The following PLEKHG4B variants were observed in gnomAD, a reference collection of about 807,000 sequenced individuals.
PLEKHG4B encodes pleckstrin homology and RhoGEF domain containing G4B.
In PLEKHG4B, 111 loss-of-function variants were observed where a neutral mutation model predicts 121.3. That is an observed-to-expected ratio of 0.92 (90% CI 0.78 to 1.07). PLEKHG4B has a LOEUF of 1.07. PLEKHG4B is among the 50% of genes least tolerant of loss of function. The pLI, the probability that PLEKHG4B is intolerant of heterozygous loss-of-function variation, is 0.00. For synonymous variants in PLEKHG4B, 738 were observed against 725.0 expected (o/e 1.02, Z -0.29); for missense variants, 1,831 against 1,757.8 (o/e 1.04, Z -0.74).
intron 2 of PLEKHG4B, among the ~76,000 whole-genome samples, chr5:138,746 A>G (rs1241502661): frequency 6.6e-6 from 1 of 152,166 alleles, no homozygotes; most frequent in Non-Finnish European, 1.5e-5. Context: ...AGCAACTGAA[A>G]CCCAGGCGGG....
At chr5:119,202 G>A (rs192284991) in intron 2 of PLEKHG4B, among the ~76,000 whole-genome samples, 33 of 152,146 alleles carry the variant, frequency 2.2e-4, no homozygotes, top group African/African-American at 3.1e-4. Flanking sequence ...ACCATTGTCC[G>A]TAAAGTGTCA....
rs1265357630 is a variant in PLEKHG4B, at chr5:188,469, T to G, written c.*6146T>G. On this transcript the variant is annotated 3_prime_UTR_variant, in exon 20 of 20. Transcript: ENST00000637938. ...CCGAACTGACCACCTGGGGCGTAGGTCCAAGATTTAATTACAAAACGATAG... is the reference window on the plus strand; with the variant it reads ...CCGAACTGACCACCTGGGGCGTAGGGCCAAGATTTAATTACAAAACGATAG... 1 of 152,206 alleles carries G rather than the reference T, an allele frequency of 6.6e-6. No homozygotes were observed. Among genetic ancestry groups the G allele is most frequent in the Non-Finnish European group, 1.5e-5 (1 of 68,060 alleles). 9.4% of individuals were successfully genotyped at this position (152,206 alleles called of 1,614,324 possible).
rs1298399997 is a variant in PLEKHG4B, at chr5:140,693, G to A, written c.1454G>A (p.Gly485Asp). The A allele has an allele frequency of 6.3e-7, 1 of 1,584,676 alleles. No individual in the cohort carries two copies. Among genetic ancestry groups the A allele is most frequent in the East Asian group, 2.2e-5 (1 of 44,496 alleles). The change falls in exon 3 of 20, where the codon GGT becomes GAT. Residue 485 changes from glycine (G) to aspartate (D), a missense_variant. Gly to Asp is a moderately conservative substitution (Grantham distance 94). Coordinates refer to ENST00000637938, the MANE Select transcript of PLEKHG4B (RefSeq NM_052909.5). ...VGTPNCVPVE[G>D]PGCTKEEDVL... ...ACCCCAAACTGTGTCCCAGTAGAGG[G>A]TCCCGGCTGCACCAAAGAGGAAGGT... is the stretch of plus-strand genomic sequence containing the variant.
intron 6 of PLEKHG4B, among the ~76,000 whole-genome samples, chr5:147,887 C>T (rs1468151673): frequency 2.0e-5 from 3 of 152,120 alleles, no homozygotes; most frequent in Non-Finnish European, 4.4e-5. Flanking sequence ...AAGGATTATA[C>T]ACCCTGACCA....
chr5:98,765 G>A lies in PLEKHG4B; in HGVS notation c.45+6489G>A, dbSNP rs772594212. Among the ~76,000 whole-genome samples, 133 of 144,754 alleles carry A rather than the reference G, an allele frequency of 9.2e-4. 1 individual carries two copies. The highest frequency in any genetic ancestry group is 2.6e-3 in the Admixed American group (37 of 14,446). 95.0% of individuals were successfully genotyped at this position (144,754 alleles called of 152,430 possible). A position where few individuals can be genotyped will look rare whatever the true frequency, so the allele number is the denominator to read the frequency against. On this transcript the variant is annotated intron_variant, in intron 1 of 19. Transcript: ENST00000637938. Reference sequence around the variant, plus strand: ...TGGGATTACAGGCGTGAGCCACCCCGCCCGGCCGATTACTGTAGCTTTGTA... The same window carrying A: ...TGGGATTACAGGCGTGAGCCACCCCACCCGGCCGATTACTGTAGCTTTGTA...
Position 182,398 on chromosome 5 carries a change from C to T in PLEKHG4B, c.*75C>T. On this transcript the variant is annotated 3_prime_UTR_variant, in exon 20 of 20. Coordinates refer to ENST00000637938, the MANE Select transcript of PLEKHG4B (RefSeq NM_052909.5). ...GAGCAGCACGCCAGGCCTGATGACT[C>T]TGGGGGTGGCGGTGCCCATCGCGTG... 1 of 1,444,150 alleles carries T rather than the reference C, an allele frequency of 6.9e-7. No individual in the cohort carries two copies. The allele number at this position is 1,444,150 out of a possible 1,614,324, so 89.5% of individuals were successfully genotyped here.
At chr5:169,763 G>T (rs933276940) in intron 14 of PLEKHG4B, among the ~76,000 whole-genome samples, 171 bp downstream of exon 14, 1 of 152,238 alleles carries the variant, frequency 6.6e-6, no homozygotes, top group African/African-American at 2.4e-5. Context: ...TGCCCCACAC[G>T]GATAACCTGT....
At chr5:175,039 C>T (rs1452367849) in intron 18 of PLEKHG4B, among the ~76,000 whole-genome samples, 1 of 152,132 alleles carries the variant, frequency 6.6e-6, no homozygotes, top group Non-Finnish European at 1.5e-5. Context: ...CTTGGATTGG[C>T]CCCGACAGCA....
At chr5:145,625 C>G (rs1284364962) in intron 6 of PLEKHG4B, among the ~76,000 whole-genome samples, 2 of 152,246 alleles carry the variant, frequency 1.3e-5, no homozygotes, top group Non-Finnish European at 2.9e-5. Context: ...TCCCAGAGTG[C>G]TGGGCTCACA....
In PLEKHG4B at chr5:113,457, C is replaced by T. The variant is rs865869080; in HGVS notation, c.243+9C>T. On this transcript the variant is annotated intron_variant, in intron 2 of 19. Transcript: ENST00000637938. The surrounding 1 kb of genome is among the most constrained non-coding windows in gnomAD (Gnocchi z 5.2). Reference sequence around the variant, plus strand: ...TGCAGCAGGAAGCCTGTGTGAGTACCTCCCTTGTAGCTCTGAGACCGTGGC... The same window carrying T: ...TGCAGCAGGAAGCCTGTGTGAGTACTTCCCTTGTAGCTCTGAGACCGTGGC... The T allele has an allele frequency of 1.2e-4, 48 of 399,128 alleles. No individual in the cohort carries two copies. In the Middle Eastern group the frequency reaches 1.9e-3, roughly 16 times the overall value. 24.7% of individuals were successfully genotyped at this position (399,128 alleles called of 1,614,324 possible).
chr5:114,558 A>G (rs947712095), intron 2 of PLEKHG4B, among the ~76,000 whole-genome samples: 1 of 152,044 alleles, frequency 6.6e-6, no homozygotes, highest in African/African-American at 2.4e-5. Context: ...CCCAGGTTCA[A>G]GCAATTCTCC....
At chr5:102,234 A>G (rs1206605394) in intron 1 of PLEKHG4B, among the ~76,000 whole-genome samples, 1 of 152,114 alleles carries the variant, frequency 6.6e-6, no homozygotes, top group African/African-American at 2.4e-5. Context: ...AATCCATATA[A>G]AACCCTCTAG....
chr5:182,893 G>C lies in PLEKHG4B; in HGVS notation c.*570G>C, dbSNP rs1394918179. The C allele has an allele frequency of 6.4e-6, 1 of 157,128 alleles. No individual in the cohort carries two copies. Among genetic ancestry groups the C allele is most frequent in the Admixed American group, 6.0e-5 (1 of 16,650 alleles). 9.7% of individuals were successfully genotyped at this position (157,128 alleles called of 1,614,324 possible). A position where few individuals can be genotyped will look rare whatever the true frequency, so the allele number is the denominator to read the frequency against. On this transcript the variant is annotated 3_prime_UTR_variant, in exon 20 of 20. Coordinates refer to ENST00000637938, the MANE Select transcript of PLEKHG4B (RefSeq NM_052909.5). ...GCACCTAGTGGGTTGCTACCCATTC[G>C]CACACTCAAACAGGGAGGCTACCAA...
intron 2 of PLEKHG4B, among the ~76,000 whole-genome samples, chr5:117,428 T>A (rs1054516570): frequency 1.3e-5 from 2 of 152,228 alleles, no homozygotes; most frequent in Admixed American, 6.5e-5. Context: ...GTGATTACTG[T>A]TGCCTGTCTC....
intron 12 of PLEKHG4B, 125 bp downstream of exon 12, chr5:162,069 T>TCGCA: frequency 7.9e-7 from 1 of 1,262,908 alleles, no homozygotes; most frequent in Non-Finnish European, 1.1e-6. Context: ...GCACCTGCGA[T>TCGCA]GGAGCCCCCC....
At chr5:141,711 AT>A (rs34273619) in intron 3 of PLEKHG4B, among the ~76,000 whole-genome samples, 6,020 of 127,476 alleles carry the variant, frequency 0.047, 211 homozygotes, top group African/African-American at 0.12. Flanking sequence ...TAAATATTTC[AT>A]TTTTTTTTTT....
rs548361385 is a variant in PLEKHG4B at position 183,912 on chromosome 5, A to C, written c.*1589A>C. ...AGACACATCAGTGGAAACTATTTGC[A>C]TTTGTTGGGCCTCCAGAGAGACAGA... On this transcript the variant is annotated 3_prime_UTR_variant, in exon 20 of 20. Transcript: ENST00000637938. The C allele has an allele frequency of 6.6e-6, 1 of 152,282 alleles. No homozygotes were observed. The highest frequency in any genetic ancestry group is 1.9e-4 in the East Asian group (1 of 5,180). 9.4% of individuals were successfully genotyped at this position (152,282 alleles called of 1,614,324 possible).
intron 1 of PLEKHG4B, among the ~76,000 whole-genome samples, chr5:94,346 C>T (rs375786024): frequency 2.6e-5 from 4 of 152,212 alleles, no homozygotes; most frequent in Admixed American, 6.5e-5. Flanking sequence ...TCAGGTGCCA[C>T]GTGTGTGGTG....
At chr5:104,115 C>T (rs1334421341) in intron 1 of PLEKHG4B, among the ~76,000 whole-genome samples, 2 of 146,284 alleles carry the variant, frequency 1.4e-5, no homozygotes, top group Non-Finnish European at 3.0e-5. Context: ...GTCCCAGCAC[C>T]GATTCCTAAA....
Sources: allele counts gnomAD v4.1 joint callset (sites outside exome capture counted in the v4.1 genomes callset), GRCh38; gene constraint gnomAD v4.1.1; non-coding constraint Gnocchi (gnomAD v3.1); transcripts MANE v1.5; gene names NCBI Gene and HGNC (gene_info 2026-07-23, HGNC 2026-07-21).